ELF2: variants seen among roughly 807,000 people sequenced by gnomAD.
ELF2 encodes the protein E74 like ETS transcription factor 2.
In ELF2, 11 loss-of-function variants were observed where a neutral mutation model predicts 54.8. That is an observed-to-expected ratio of 0.20 (90% CI 0.13 to 0.33). The LOEUF (loss-of-function observed/expected upper bound fraction) is 0.33, where lower values mean the gene tolerates loss of function less well. Ranked by LOEUF, ELF2 falls within the 10% of genes least tolerant of loss-of-function variation. ELF2 has a pLI of 1.00. For synonymous variants in ELF2, 203 were observed against 245.1 expected (o/e 0.83, Z 1.61); for missense variants, 513 against 703.0 (o/e 0.73, Z 3.06).
intron 4 of ELF2, among the ~76,000 whole-genome samples, chr4:139,104,523 A>AAAAAAG: frequency 6.6e-6 from 1 of 150,702 alleles, no homozygotes; most frequent in Admixed American, 6.6e-5. Flanking sequence ...AAAAAAAAAA[A>AAAAAAG]AAAAGAAAAG....
At chr4:139,119,080 G>C (rs914863300) in intron 4 of ELF2, among the ~76,000 whole-genome samples, 2 of 152,098 alleles carry the variant, frequency 1.3e-5, no homozygotes, top group Non-Finnish European at 2.9e-5. Context: ...TATCATATTT[G>C]ACTACTCTTT....
At chr4:139,095,013 ATG>A (rs1469519163) in intron 4 of ELF2, among the ~76,000 whole-genome samples, 1 of 152,018 alleles carries the variant, frequency 6.6e-6, no homozygotes, top group Admixed American at 6.6e-5. Context: ...CTTAAATTTT[ATG>A]TGTTAATTAA....
intron 4 of ELF2, chr4:139,115,461 CCGCGGCGAGGGCAG>C: frequency 2.1e-6 from 2 of 958,370 alleles, no homozygotes; most frequent in Non-Finnish European, 2.5e-6. Context: ...GGTTAGCTCG[CCGCGGCGAGGGCAG>C]CGGCGGGGGT....
intron 1 of ELF2, among the ~76,000 whole-genome samples, chr4:139,164,068 G>A (rs934895674): frequency 1.3e-5 from 2 of 148,992 alleles, no homozygotes; most frequent in Admixed American, 6.7e-5. Flanking sequence ...AAGAGTGGGG[G>A]TGAGAGAGAA....
At chr4:139,177,305 A>G (rs1340463154), upstream of ELF2, 1 of 83,200 alleles carries the variant, frequency 1.2e-5, no homozygotes, top group African/African-American at 4.7e-5. Context: ...CGCCTCCACC[A>G]GGACACTGGA....
intron 1 of ELF2, among the ~76,000 whole-genome samples, chr4:139,156,229 G>A (rs903119602): frequency 2.3e-4 from 35 of 152,120 alleles, no homozygotes; most frequent in African/African-American, 7.5e-4. Flanking sequence ...AGGCTGGAGT[G>A]CAGTGGCGCG....
intron 1 of ELF2, among the ~76,000 whole-genome samples, chr4:139,173,558 A>G (rs972812678): frequency 1.1e-4 from 16 of 151,664 alleles, no homozygotes; most frequent in Non-Finnish European, 2.2e-4. Context: ...GGAGATCAAG[A>G]CCATCCTGGC....
chr4:139,061,841 ATAC>A (rs773968865), intron 8 of ELF2, 21 bp downstream of exon 8: 17 of 1,608,498 alleles, frequency 1.1e-5, no homozygotes, highest in Non-Finnish European at 1.1e-5. Flanking sequence ...TTTTGTTTGA[ATAC>A]TAGCTCATTT....
chr4:139,150,950 G>A (rs1022091488), intron 1 of ELF2, among the ~76,000 whole-genome samples: 1 of 143,440 alleles, frequency 7.0e-6, no homozygotes, highest in Admixed American at 6.8e-5. Context: ...GCGTGAACCC[G>A]GGAGGCGAGC....
chr4:139,142,867 A>C (rs1265301868), intron 1 of ELF2, among the ~76,000 whole-genome samples: 3 of 95,974 alleles, frequency 3.1e-5, no homozygotes, highest in Non-Finnish European at 5.1e-5. Flanking sequence ...ACCTTGTCTC[A>C]AAAAAAAAAA....
intron 3 of ELF2, among the ~76,000 whole-genome samples, chr4:139,132,945 G>T (rs539685141): frequency 6.7e-6 from 1 of 150,150 alleles, no homozygotes; most frequent in East Asian, 2.0e-4. Context: ...AGGCTGGAGT[G>T]CAGTGGCGCA....
intron 2 of ELF2, among the ~76,000 whole-genome samples, chr4:139,139,163 T>C (rs1300171563): frequency 6.6e-6 from 1 of 152,066 alleles, no homozygotes; most frequent in African/African-American, 2.4e-5. Context: ...TATACAGATA[T>C]GGAAATAAAA....
At chr4:139,090,154 C>T (rs543602033) in intron 4 of ELF2, among the ~76,000 whole-genome samples, 13 of 152,248 alleles carry the variant, frequency 8.5e-5, no homozygotes, top group African/African-American at 2.4e-5. Context: ...GTCTTGAACT[C>T]CTGGTCTCAA....
At chr4:139,100,183 G>A (rs1389629052) in intron 4 of ELF2, among the ~76,000 whole-genome samples, 1 of 152,172 alleles carries the variant, frequency 6.6e-6, no homozygotes, top group Non-Finnish European at 1.5e-5. Flanking sequence ...TCGGCCTAGG[G>A]TTGAGAGTGT....
In ELF2 at chr4:139,123,137, T is replaced by C. The variant is rs546629691; in HGVS notation, c.238+2027A>G. ...AGGCAGGGGTTACAGTGAGCCGAGA[T>C]TGCACCACTGCACTTCAGCCTGGCG... On this transcript the variant is annotated intron_variant, in intron 4 of 9. Transcript: ENST00000686138. 1.1e-4 allele frequency among the ~76,000 whole-genome samples: 17 copies of C among 150,894 alleles called. No individual in the cohort carries two copies. In the East Asian group the frequency reaches 3.2e-3, roughly 28 times the overall value.
At chr4:139,110,343 T>A (rs1466235193) in intron 4 of ELF2, among the ~76,000 whole-genome samples, 1 of 152,108 alleles carries the variant, frequency 6.6e-6, no homozygotes, top group Non-Finnish European at 1.5e-5. Context: ...AAGACAGACA[T>A]CTGTAAGGCA....
At chr4:139,165,306 GT>G (rs1274289083) in intron 1 of ELF2, among the ~76,000 whole-genome samples, 3 of 152,282 alleles carry the variant, frequency 2.0e-5, no homozygotes, top group African/African-American at 7.2e-5. Context: ...CTATGATTCT[GT>G]TTTGATCAGG....
chr4:139,068,851 C>CAT (rs1249648280), intron 6 of ELF2, among the ~76,000 whole-genome samples: 2 of 151,766 alleles, frequency 1.3e-5, no homozygotes, highest in East Asian at 1.9e-4. Flanking sequence ...AAATCAAATA[C>CAT]ATATATATAC....
At chr4:139,111,586 T>C (rs538853520) in intron 4 of ELF2, among the ~76,000 whole-genome samples, 6 of 149,834 alleles carry the variant, frequency 4.0e-5, no homozygotes, top group Non-Finnish European at 8.9e-5. Context: ...GATAAATACC[T>C]AACAAATTCA....
Sources: allele counts gnomAD v4.1 joint callset (sites outside exome capture counted in the v4.1 genomes callset), GRCh38; gene constraint gnomAD v4.1.1; transcripts MANE v1.5; gene names NCBI Gene and HGNC (gene_info 2026-07-23, HGNC 2026-07-21).